Variants in FIBP observed in about 807,000 individuals in gnomAD.
FIBP encodes the protein FGF1 intracellular binding protein.
A neutral mutation model predicts 40.5 loss-of-function variants in FIBP; 29 were observed. The observed-to-expected ratio is 0.72, with a 90% confidence interval of 0.53 to 0.98. FIBP has a LOEUF of 0.98. FIBP is among the 50% of genes least tolerant of loss of function. FIBP has a pLI of 0.00. For missense variants in FIBP, 411 were observed against 470.2 expected (o/e 0.87, Z 1.16); for synonymous variants, 215 against 191.1 (o/e 1.13, Z -1.03).
Position 65,885,320 on chromosome 11 carries a change from C to A in FIBP, c.647-134G>T. 3.2e-6 allele frequency: 3 copies of A among 925,482 alleles called. No homozygotes were observed. In the Admixed American group the frequency reaches 5.9e-5, roughly 18 times the overall value. 57.3% of individuals were successfully genotyped at this position (925,482 alleles called of 1,614,324 possible). ...ATGGAGTGTCAGAGAGATGGAGTGACATGCCCCAGGCCACAGAGAGGCAAT... is the reference window on the plus strand; with the variant it reads ...ATGGAGTGTCAGAGAGATGGAGTGAAATGCCCCAGGCCACAGAGAGGCAAT... On this transcript the variant is annotated intron_variant, in intron 5 of 9. Coordinates refer to ENST00000357519, the MANE Select transcript of FIBP (RefSeq NM_004214.5).
At chr11:65,887,167 C>A in intron 3 of FIBP, 2 of 334,228 alleles carry the variant, frequency 6.0e-6, no homozygotes, top group Admixed American at 4.3e-5. Flanking sequence ...CAACAGGGAG[C>A]CAGGCACGGT....
rs531091525 is a variant in FIBP, at chr11:65,887,018, C to T, written c.411+582G>A. On this transcript the variant is annotated intron_variant, in intron 3 of 9. Coordinates refer to ENST00000357519, the MANE Select transcript of FIBP (RefSeq NM_004214.5). ...TGCAGGGATGAGATAACAGGACAGT[C>T]CATAGGTCAAAGCCAAGGAGTGCAG... is the stretch of plus-strand genomic sequence containing the variant. 14 of 213,352 alleles carry T rather than the reference C, an allele frequency of 6.6e-5. No individual in the cohort carries two copies. In the South Asian group the frequency reaches 9.1e-4, roughly 14 times the overall value. The allele number at this position is 213,352 out of a possible 1,614,324, so 13.2% of individuals were successfully genotyped here.
At chr11:65,886,462 T>C (rs376147199) in intron 3 of FIBP, 40 bp from the exon 4 acceptor site, 18 of 1,345,970 alleles carry the variant, frequency 1.3e-5, no homozygotes, top group Non-Finnish European at 1.9e-5. Flanking sequence ...CTGGTCAGAG[T>C]GTACACTGTG....
Position 65,884,822 on chromosome 11 carries a change from G to A in FIBP, c.819+113C>T, listed in dbSNP as rs554997037. On this transcript the variant is annotated intron_variant, in intron 7 of 9. Transcript: ENST00000357519. ...TGCTCCCGTCAGCGGCCACCAGAGG[G>A]AGCAGCAGTGCCACCTGCCGGCCAA... The A allele has an allele frequency of 6.5e-5, 91 of 1,392,180 alleles. No individual in the cohort carries two copies. The South Asian group carries it at 9.4e-4, about 14-fold the overall frequency. The allele number at this position is 1,392,180 out of a possible 1,614,324, so 86.2% of individuals were successfully genotyped here. A position where few individuals can be genotyped will look rare whatever the true frequency, so the allele number is the denominator to read the frequency against.
intron 4 of FIBP, 148 bp downstream of exon 4, chr11:65,886,169 TAAAAA>T (rs5792375): frequency 4.5e-4 from 152 of 336,410 alleles, no homozygotes; most frequent in Middle Eastern, 7.7e-4. Context: ...TCCGTCTCAT[TAAAAA>T]AAAAAAAAAA....
Position 65,884,675 on chromosome 11 carries a change from T to C in FIBP, c.820-19A>G, listed in dbSNP as rs769211418. The C allele has an allele frequency of 1.9e-6, 3 of 1,612,556 alleles. No homozygotes were observed. The highest frequency in any genetic ancestry group is 1.7e-6 in the Non-Finnish European group (2 of 1,178,862). ...ACAGGTTCTGTGGGGCAGGGATCCTTGGAGCTCTGCTTTCTGCCCCAGAAG... is the reference window on the plus strand; with the variant it reads ...ACAGGTTCTGTGGGGCAGGGATCCTCGGAGCTCTGCTTTCTGCCCCAGAAG... On this transcript the variant is annotated intron_variant, in intron 7 of 9. Transcript: ENST00000357519.
chr11:65,884,701 T>G (rs1860184735), intron 7 of FIBP, 45 bp from the exon 8 acceptor site: 2 of 1,600,976 alleles, frequency 1.2e-6, no homozygotes, highest in East Asian at 4.5e-5. Context: ...GCCCCAGAAG[T>G]TGGCAGCTGA....
In FIBP at chr11:65,885,327, C is replaced by T. The variant is rs2134772196; in HGVS notation, c.647-141G>A. ...GTCAGAGAGATGGAGTGACATGCCC[C>T]AGGCCACAGAGAGGCAATGGGCCCT... On this transcript the variant is annotated intron_variant, in intron 5 of 9. Coordinates refer to ENST00000357519, the MANE Select transcript of FIBP (RefSeq NM_004214.5). The T allele has an allele frequency of 1.2e-5, 11 of 915,664 alleles. No individual in the cohort carries two copies. The South Asian group carries it at 1.6e-4, about 14-fold the overall frequency. 56.7% of individuals were successfully genotyped at this position (915,664 alleles called of 1,614,324 possible). A position where few individuals can be genotyped will look rare whatever the true frequency, so the allele number is the denominator to read the frequency against.
Position 65,885,568 on chromosome 11 carries a change from G to A in FIBP, c.608C>T (p.Ala203Val). The A allele has an allele frequency of 6.2e-7, 1 of 1,614,190 alleles. No homozygotes were observed. The highest frequency in any genetic ancestry group is 8.5e-7 in the Non-Finnish European group (1 of 1,180,032). The change falls in exon 5 of 10, where the codon GCT becomes GTT. Residue 203 changes from alanine (A) to valine (V), a missense_variant. Transcript: ENST00000357519. ...GGTCCAGTTTTGGATCATGAGCTCAGCGCAGAAGGCAAAGTCACCGAAGCT... is the reference window on the plus strand; with the variant it reads ...GGTCCAGTTTTGGATCATGAGCTCAACGCAGAAGGCAAAGTCACCGAAGCT... The part of the protein sequence containing the change: ...YLSFGDFAFC[A>V]ELMIQNWTLG...
intron 1 of FIBP, 77 bp from the exon 2 acceptor site, chr11:65,888,209 AT>A (rs1860295674): frequency 6.8e-7 from 1 of 1,478,774 alleles, no homozygotes; most frequent in Non-Finnish European, 9.1e-7. Flanking sequence ...CCAGACCCCT[AT>A]AACACCTCTT....
In FIBP at chr11:65,883,997, G is replaced by A. The variant is rs746692808; in HGVS notation, c.1051C>T (p.Leu351Phe). The A allele has an allele frequency of 3.1e-6, 5 of 1,614,010 alleles. No individual in the cohort carries two copies. In the East Asian group the frequency reaches 6.7e-5, roughly 22 times the overall value. The change falls in exon 10 of 10, where the codon CTC (leucine) becomes TTC (phenylalanine). Residue 351 changes from leucine to phenylalanine, a missense_variant. Physicochemically the swap from Leu to Phe is conservative, Grantham distance 22. Coordinates refer to ENST00000357519, the MANE Select transcript of FIBP (RefSeq NM_004214.5). ...DRYMGTLRGCLLRLYHD is the reference protein window; with the variant it reads ...DRYMGTLRGCFLRLYHD ...CCTCAGTCATGATACAGGCGCAGGAGGCAGCCGCGGAGGGTGCCCATGTAG... is the reference window on the plus strand; with the variant it reads ...CCTCAGTCATGATACAGGCGCAGGAAGCAGCCGCGGAGGGTGCCCATGTAG...
rs1217873023 is a variant in FIBP at position 65,888,468 on chromosome 11, G to C, written c.-50C>G. ...CCGAGCAGGAGCGAGCACTGCTCGG[G>C]ACTGGCGCGCCGCCTTCAGGCCACT... On this transcript the variant is annotated 5_prime_UTR_variant, in exon 1 of 10. Transcript: ENST00000357519. 1.5e-5 allele frequency: 22 copies of C among 1,456,522 alleles called. No individual in the cohort carries two copies. The highest frequency in any genetic ancestry group is 2.1e-5 in the Non-Finnish European group (22 of 1,068,792). The allele number at this position is 1,456,522 out of a possible 1,614,324, so 90.2% of individuals were successfully genotyped here.
rs148745636 is a variant in FIBP, at chr11:65,887,626, T to C, written c.385A>G (p.Ile129Val). 8.1e-6 allele frequency: 13 copies of C among 1,613,996 alleles called. No homozygotes were observed. Among genetic ancestry groups the C allele is most frequent in the Non-Finnish European group, 1.1e-5 (13 of 1,180,020 alleles). Residue 129 changes from isoleucine to valine, a missense_variant, in exon 3 of 10, where the codon ATC (isoleucine) becomes GTC (valine). By Grantham distance (29) the Ile-to-Val change is conservative. Coordinates refer to ENST00000357519, the MANE Select transcript of FIBP (RefSeq NM_004214.5). Reference sequence around the variant, plus strand: ...TGTCTCCGGCAGCTCTTGAGGGTGATGCCTGTTTTGGTGCTGATGTCATCC... The same window carrying C: ...TGTCTCCGGCAGCTCTTGAGGGTGACGCCTGTTTTGGTGCTGATGTCATCC... ...DLDDISTKTGITLKSCRRQFD... is the reference protein window; with the variant it reads ...DLDDISTKTGVTLKSCRRQFD...
At chr11:65,887,212 C>T (rs1860259018) in intron 3 of FIBP, 7 of 352,634 alleles carry the variant, frequency 2.0e-5, no homozygotes, top group Admixed American at 4.0e-5. Context: ...TTTGGGAGGC[C>T]GAGGCGGATG....
chr11:65,887,284 A>G, intron 3 of FIBP: 1 of 385,866 alleles, frequency 2.6e-6, no homozygotes, highest in Non-Finnish European at 5.0e-6. Flanking sequence ...TGTCTCTACT[A>G]ACAATACAAA....
At chr11:65,885,304 CAG>C in intron 5 of FIBP, 118 bp from the exon 6 acceptor site, 1 of 979,666 alleles carries the variant, frequency 1.0e-6, no homozygotes, top group Non-Finnish European at 1.6e-6. Flanking sequence ...AATGGAGTGT[CAG>C]AGAGATGGAG....
rs940196715 is a variant in FIBP at position 65,885,141 on chromosome 11, A to T, written c.692T>A (p.Leu231His). The stretch of plus-strand genomic sequence containing the variant: ...CACCTTGAGCTCCTTCAAGTCCTGG[A>T]GAAATTCCTTGTCTAAGTCCATGTC... ...DMDMDLDKEF[L>H]QDLKELKVLV... Residue 231 changes from leucine to histidine, a missense_variant, in exon 6 of 10, where the codon CTC becomes CAC. Transcript: ENST00000357519. 1.3e-6 allele frequency: 2 copies of T among 1,584,970 alleles called. No homozygotes were observed. Among genetic ancestry groups the T allele is most frequent in the Non-Finnish European group, 1.7e-6 (2 of 1,161,404 alleles).
chr11:65,887,044 C>A, intron 3 of FIBP: 2 of 224,722 alleles, frequency 8.9e-6, no homozygotes, highest in South Asian at 1.1e-4. Context: ...AGGAGTGCAG[C>A]TGCTACCCAG....
chr11:65,888,450 GGAGCGAGCAC>G lies in FIBP; in HGVS notation c.-42_-33del. The G allele has an allele frequency of 2.0e-6, 3 of 1,535,130 alleles. No individual in the cohort carries two copies. The highest frequency in any genetic ancestry group is 2.6e-6 in the Non-Finnish European group (3 of 1,134,136). ...GCCCGGGGCCGCAGCGCCCCGAGCA[GGAGCGAGCAC>G]TGCTCGGGACTGGCGCGCCGCCTTC... is the stretch of plus-strand genomic sequence containing the variant. On this transcript the variant is annotated 5_prime_UTR_variant, in exon 1 of 10. Coordinates refer to ENST00000357519, the MANE Select transcript of FIBP (RefSeq NM_004214.5).
Sources: gnomAD v4.1 joint callset for allele counts on GRCh38, gnomAD v4.1.1 for gene constraint, MANE v1.5 for transcripts, NCBI Gene and HGNC (gene_info 2026-07-23, HGNC 2026-07-21) for gene names.